The following CAMK4 variants were observed in gnomAD, a reference collection of about 807,000 sequenced individuals.
CAMK4 encodes calcium/calmodulin dependent protein kinase IV, also known as calcium/calmodulin-dependent protein kinase type IV.
CAMK4 carries 22 observed loss-of-function variants against 44.9 expected under a neutral mutation model. That is an observed-to-expected ratio of 0.49 (90% CI 0.35 to 0.70). CAMK4 has a LOEUF of 0.70. Ranked by LOEUF, CAMK4 falls within the 30% of genes least tolerant of loss-of-function variation. The pLI, the probability that CAMK4 is intolerant of heterozygous loss-of-function variation, is 0.01. For missense variants in CAMK4, 498 were observed against 586.8 expected (o/e 0.85, Z 1.56); for synonymous variants, 218 against 215.4 (o/e 1.01, Z -0.11).
intron 1 of CAMK4, among the ~76,000 whole-genome samples, chr5:111,273,699 A>ATATT (rs1750624104): frequency 1.8e-5 from 1 of 54,376 alleles, no homozygotes; most frequent in African/African-American, 1.2e-4. Context: ...ATATATATAT[A>ATATT]TATATATATA....
chr5:111,293,153 C>G (rs1747342880), intron 1 of CAMK4, among the ~76,000 whole-genome samples: 1 of 152,040 alleles, frequency 6.6e-6, no homozygotes, highest in Admixed American at 6.6e-5. Context: ...AGTAAAGCAG[C>G]CATCATTGAC....
chr5:111,456,273 G>C (rs1193875149), intron 7 of CAMK4, among the ~76,000 whole-genome samples: 1 of 151,896 alleles, frequency 6.6e-6, no homozygotes, highest in East Asian at 1.9e-4. Context: ...AGGCCGAGGC[G>C]GGTGGATCAT....
At chr5:111,303,670 G>T (rs201859366) in intron 1 of CAMK4, among the ~76,000 whole-genome samples, 1,473 of 137,914 alleles carry the variant, frequency 0.011, 7 homozygotes, top group East Asian at 0.053. Context: ...GAAAACACTC[G>T]GCAGGATATT....
intron 5 of CAMK4, among the ~76,000 whole-genome samples, chr5:111,401,335 C>T (rs1752218022): frequency 6.6e-6 from 1 of 152,116 alleles, no homozygotes; most frequent in African/African-American, 2.4e-5. Context: ...GACAGGATTT[C>T]ACTATGTAGG....
chr5:111,331,294 T>C (rs1316408610), intron 1 of CAMK4, among the ~76,000 whole-genome samples: 2 of 151,670 alleles, frequency 1.3e-5, no homozygotes, highest in Non-Finnish European at 2.9e-5. Flanking sequence ...CCAAAATGCT[T>C]CACAAAAGAT....
chr5:111,400,135 T>TG (rs1752169972), intron 5 of CAMK4, among the ~76,000 whole-genome samples: 1 of 151,778 alleles, frequency 6.6e-6, no homozygotes, highest in South Asian at 2.1e-4. Flanking sequence ...GAGGGTTTGT[T>TG]TTTTTTTGTC....
At chr5:111,263,006 C>T (rs546308092) in intron 1 of CAMK4, among the ~76,000 whole-genome samples, 76 of 152,232 alleles carry the variant, frequency 5.0e-4, no homozygotes, top group Non-Finnish European at 7.5e-4. Context: ...ATAATTTAAC[C>T]CCCTGGCTGA....
At chr5:111,331,243 A>C (rs1050717275) in intron 1 of CAMK4, among the ~76,000 whole-genome samples, 2 of 146,758 alleles carry the variant, frequency 1.4e-5, no homozygotes, top group African/African-American at 2.5e-5. Context: ...AAAACATAAA[A>C]ATAATAAAAA....
chr5:111,484,543 A>G lies in CAMK4; in HGVS notation c.*77A>G, dbSNP rs932717950. ...CCTTCAGCAAGAAAGGTGTGGAAGC[A>G]TGATATGTACTATAGTGATTCTGTT... On this transcript the variant is annotated 3_prime_UTR_variant, in exon 11 of 11. Transcript: ENST00000282356. The surrounding 1 kb of genome is among the most constrained non-coding windows in gnomAD (Gnocchi z 5.3). The G allele has an allele frequency of 4.0e-6, 4 of 994,324 alleles. No individual in the cohort carries two copies. The highest frequency in any genetic ancestry group is 5.8e-6 in the Non-Finnish European group (4 of 689,220). The allele number at this position is 994,324 out of a possible 1,614,324, so 61.6% of individuals were successfully genotyped here. A position where few individuals can be genotyped will look rare whatever the true frequency, so the allele number is the denominator to read the frequency against.
chr5:111,335,550 GAA>G (rs1231730996), intron 1 of CAMK4, among the ~76,000 whole-genome samples: 1 of 151,340 alleles, frequency 6.6e-6, no homozygotes, highest in Non-Finnish European at 1.5e-5. Flanking sequence ...GAAAAAGAAA[GAA>G]AAGTTATTCC....
Position 111,273,718 on chromosome 5 carries a change from T to TAC in CAMK4, c.161+49082_161+49083dup, listed in dbSNP as rs143530732. 1.5e-3 allele frequency among the ~76,000 whole-genome samples: 69 copies of TAC among 44,782 alleles called. 1 individual carries two copies. The highest frequency in any genetic ancestry group is 2.2e-3 in the African/African-American group (19 of 8,620). 29.4% of individuals were successfully genotyped at this position (44,782 alleles called of 152,430 possible). On this transcript the variant is annotated intron_variant, in intron 1 of 10. Coordinates refer to ENST00000282356, the MANE Select transcript of CAMK4 (RefSeq NM_001744.6). Reference sequence around the variant, plus strand: ...ATATATATATATATATATATATATATACACACACATACATACACACACACA... The same window carrying TAC: ...ATATATATATATATATATATATATATACACACACACATACATACACACACACA...
intron 6 of CAMK4, 48 bp from the exon 7 acceptor site, chr5:111,449,081 A>G (rs537025173): frequency 1.2e-5 from 10 of 808,494 alleles, no homozygotes; most frequent in African/African-American, 1.2e-4. Context: ...ATTTTGTCAT[A>G]AAAGCTGAGA....
At chr5:111,455,625 C>T (rs1448391195) in intron 7 of CAMK4, among the ~76,000 whole-genome samples, 2 of 152,196 alleles carry the variant, frequency 1.3e-5, no homozygotes, top group African/African-American at 4.8e-5. Context: ...TAAAACCACA[C>T]ATATATTGCT....
At chr5:111,240,091 T>C (rs1410949785) in intron 1 of CAMK4, among the ~76,000 whole-genome samples, 1 of 152,234 alleles carries the variant, frequency 6.6e-6, no homozygotes, top group East Asian at 1.9e-4. Context: ...TCTTTCTGTA[T>C]AATTTTTAGT....
intron 1 of CAMK4, among the ~76,000 whole-genome samples, chr5:111,301,428 CACTT>C (rs1454229028): frequency 1.3e-5 from 2 of 152,114 alleles, no homozygotes; most frequent in Admixed American, 1.3e-4. Context: ...GGTGATGAAA[CACTT>C]AGAATGGAGT....
intron 4 of CAMK4, among the ~76,000 whole-genome samples, chr5:111,390,735 A>T (rs1269575047): frequency 6.6e-6 from 1 of 152,190 alleles, no homozygotes; most frequent in African/African-American, 2.4e-5. Context: ...AGCTCTTCAT[A>T]AGACTAGACA....
At chr5:111,381,803 A>C (rs1015070425) in intron 4 of CAMK4, among the ~76,000 whole-genome samples, 3 of 152,122 alleles carry the variant, frequency 2.0e-5, no homozygotes, top group Non-Finnish European at 2.9e-5. Context: ...ACCATTGCTG[A>C]GAGCAAAAAT....
intron 7 of CAMK4, among the ~76,000 whole-genome samples, chr5:111,464,651 A>C (rs1167503145): frequency 1.3e-5 from 2 of 152,220 alleles, no homozygotes; most frequent in African/African-American, 4.8e-5. Flanking sequence ...TTACCGTTAC[A>C]TTAAAAGACT....
chr5:111,315,890 C>T (rs546473560), intron 1 of CAMK4, among the ~76,000 whole-genome samples: 45 of 152,130 alleles, frequency 3.0e-4, no homozygotes, highest in Middle Eastern at 3.4e-3. Flanking sequence ...ACTTTGTTTT[C>T]TTCAGAGGCA....
Sources: allele counts gnomAD v4.1 joint callset (sites outside exome capture counted in the v4.1 genomes callset), GRCh38; gene constraint gnomAD v4.1.1; non-coding constraint Gnocchi (gnomAD v3.1); transcripts MANE v1.5; gene names NCBI Gene and HGNC (gene_info 2026-07-23, HGNC 2026-07-21).